Variants in TEX101 observed in about 807,000 individuals in gnomAD.
The protein encoded by TEX101 is testis-expressed protein 101.
A neutral mutation model predicts 18.1 loss-of-function variants in TEX101; 10 were observed. The ratio of observed to expected loss-of-function variants is 0.55; its 90% CI spans 0.34 to 0.94. TEX101 has a LOEUF of 0.94. Ranked by LOEUF, TEX101 falls within the 40% of genes least tolerant of loss-of-function variation. The pLI, the probability that TEX101 is intolerant of heterozygous loss-of-function variation, is 0.02. For synonymous variants in TEX101, 94 were observed against 114.8 expected, an observed-to-expected ratio of 0.82 and a Z score of 1.16; for missense variants, 259 against 298.9, an observed-to-expected ratio of 0.87 and a Z score of 0.98.
At chr19:43,408,546 T>C (rs1395869762) in intron 3 of TEX101, among the ~76,000 whole-genome samples, 1 of 152,156 alleles carries the variant, frequency 6.6e-6, no homozygotes, top group African/African-American at 2.4e-5. Flanking sequence ...AGGGATGTTT[T>C]AGTGCTGTGC....
At chr19:43,397,285 A>G (rs1343738546), upstream of TEX101, among the ~76,000 whole-genome samples, 1 of 152,050 alleles carries the variant, frequency 6.6e-6, no homozygotes, top group African/African-American at 2.4e-5. Context: ...ATGGCTGACA[A>G]TGTGGTGCTG....
At chr19:43,415,802 C>A (rs1970468039) in intron 1 of TEX101, 79 bp from the exon 2 acceptor site, 5 of 1,255,448 alleles carry the variant, frequency 4.0e-6, no homozygotes, top group Non-Finnish European at 5.7e-6. Context: ...ACCCTGAAGT[C>A]AGTACTTGCC....
chr19:43,408,142 C>A (rs140734999), intron 3 of TEX101, among the ~76,000 whole-genome samples: 1 of 152,230 alleles, frequency 6.6e-6, no homozygotes, highest in Non-Finnish European at 1.5e-5. Flanking sequence ...TGAGCCTGCC[C>A]GAGCCCGCAA....
chr19:43,405,542 T>A (rs1599897822), intron 2 of TEX101, among the ~76,000 whole-genome samples: 1 of 60,874 alleles, frequency 1.6e-5, no homozygotes, highest in African/African-American at 7.4e-5. Flanking sequence ...AGAACAAAAC[T>A]CTGTCTCAAA....
At chr19:43,415,097 G>T in intron 1 of TEX101, 59 bp downstream of exon 1, 1 of 975,884 alleles carries the variant, frequency 1.0e-6, no homozygotes, top group Non-Finnish European at 1.2e-6. Flanking sequence ...TTGGGGGCCT[G>T]GGCTCCCGGG....
upstream of TEX101, among the ~76,000 whole-genome samples, chr19:43,396,858 A>G (rs1401427008): frequency 5.3e-5 from 5 of 94,924 alleles, no homozygotes; most frequent in Non-Finnish European, 9.6e-5. Flanking sequence ...TTTTTTTGAG[A>G]CGGAGTCTCG....
In TEX101 at chr19:43,415,966, G is replaced by A; in HGVS notation, c.47G>A (p.Gly16Glu). 1 of 1,614,128 alleles carries A rather than the reference G, an allele frequency of 6.2e-7. No homozygotes were observed. Residue 16 changes from glycine to glutamate, a missense_variant, in exon 2 of 6, where the codon GGA becomes GAA. Transcript: ENST00000598265. Reference sequence around the variant, plus strand: ...CATTTGCTGATCCTCCTGGTCCTAGGAGCCTCCCTCCTGACCTGTGCGTAT... The same window carrying A: ...CATTTGCTGATCCTCCTGGTCCTAGAAGCCTCCCTCCTGACCTGTGCGTAT... ...IQHLLILLVL[G>E]ASLLTSGLEL...
the TEX101 span, among the ~76,000 whole-genome samples, chr19:43,395,603 A>G: frequency 6.6e-6 from 1 of 152,178 alleles, no homozygotes; most frequent in Non-Finnish European, 1.5e-5. Flanking sequence ...GCTCTCAAGG[A>G]CCTCCCATTC....
upstream of TEX101, among the ~76,000 whole-genome samples, chr19:43,398,226 CATATA>C (rs987690686): frequency 1.1e-5 from 1 of 89,092 alleles, no homozygotes; most frequent in Non-Finnish European, 2.2e-5. Context: ...ATATGTATAA[CATATA>C]ATATATAAAA....
upstream of TEX101, among the ~76,000 whole-genome samples, chr19:43,410,321 C>A (rs1293510896): frequency 6.6e-6 from 1 of 151,908 alleles, no homozygotes; most frequent in African/African-American, 2.4e-5. Context: ...ATGGGGGAAG[C>A]GGATTAGGGA....
the TEX101 span, among the ~76,000 whole-genome samples, chr19:43,389,784 G>A: frequency 6.6e-6 from 1 of 152,126 alleles, no homozygotes; most frequent in Non-Finnish European, 1.5e-5. Context: ...TATGTCCAGT[G>A]GTCACTCCTT....
At chr19:43,396,626 G>A (rs979852183), upstream of TEX101, among the ~76,000 whole-genome samples, 8 of 152,086 alleles carry the variant, frequency 5.3e-5, no homozygotes, top group African/African-American at 1.7e-4. Context: ...AGGAACAGAG[G>A]TTTACATGGA....
chr19:43,410,130 T>TAGGAAGGAAAAGCCTGTTGGTTTGAG, upstream of TEX101, among the ~76,000 whole-genome samples: 1 of 152,084 alleles, frequency 6.6e-6, no homozygotes. Flanking sequence ...CCTTTACAAG[T>TAGGAAGGAAAAGCCTGTTGGTTTGAG]AGGAAGGAAA....
At chr19:43,415,112 A>C in intron 1 of TEX101, 74 bp downstream of exon 1, 4 of 955,812 alleles carry the variant, frequency 4.2e-6, no homozygotes, top group Non-Finnish European at 5.0e-6. Flanking sequence ...CCCGGGCCTG[A>C]GAGGGAGGGG....
At chr19:43,394,659 A>G in the TEX101 span, among the ~76,000 whole-genome samples, 52,812 of 151,692 alleles carry the variant, frequency 0.35, 9,722 homozygotes, top group East Asian at 0.72. Flanking sequence ...TTTAGTAGAG[A>G]CGGGGTTTCA....
Position 43,418,277 on chromosome 19 carries a change from A to ACAT in TEX101, c.633_635dup (p.His211dup), listed in dbSNP as rs372005194. 15 of 1,614,174 alleles carry ACAT rather than the reference A, an allele frequency of 9.3e-6. No homozygotes were observed. Among genetic ancestry groups the ACAT allele is most frequent in the South Asian group, 3.3e-5 (3 of 91,078 alleles). On this transcript the variant is annotated inframe_insertion, in exon 6 of 6. Transcript: ENST00000598265. Reference sequence around the variant, plus strand: ...CCATGTTTGTGAGGGAAGCGTGCCCACATCAGCTGCTCACTCAACCTCGAA... The same window carrying ACAT: ...CCATGTTTGTGAGGGAAGCGTGCCCACATCATCAGCTGCTCACTCAACCTCGAA...
chr19:43,391,144 G>A, the TEX101 span, among the ~76,000 whole-genome samples: 2 of 152,124 alleles, frequency 1.3e-5, no homozygotes, highest in African/African-American at 2.4e-5. Flanking sequence ...ATTCATTCAC[G>A]GATGGATGGA....
chr19:43,408,678 G>A (rs991816038), intron 3 of TEX101, among the ~76,000 whole-genome samples: 2 of 151,854 alleles, frequency 1.3e-5, no homozygotes, highest in African/African-American at 2.4e-5. Flanking sequence ...GTTCTTTTTG[G>A]AGAGATCTGT....
chr19:43,406,732 G>A (rs1423970569), intron 3 of TEX101, among the ~76,000 whole-genome samples: 4 of 152,046 alleles, frequency 2.6e-5, no homozygotes, highest in East Asian at 1.9e-4. Context: ...GAAGCCTCCC[G>A]TTGGGCAGGA....
Sources: gnomAD v4.1 joint callset for allele counts (sites outside exome capture counted in the v4.1 genomes callset) on GRCh38, gnomAD v4.1.1 for gene constraint, MANE v1.5 for transcripts, NCBI Gene and HGNC (gene_info 2026-07-23, HGNC 2026-07-21) for gene names.